Variants in SETD2 observed in about 807,000 individuals in gnomAD.
SETD2 encodes the protein SET domain containing 2, histone lysine methyltransferase.
Under a neutral mutation model 242.1 loss-of-function variants are expected in SETD2, and 31 were observed. That is an observed-to-expected ratio of 0.13 (90% CI 0.10 to 0.17). SETD2 has a LOEUF of 0.17. Ranked by LOEUF, SETD2 falls within the 10% of genes least tolerant of loss-of-function variation. The probability of loss-of-function intolerance (pLI) is 1.00; values close to 1 mark genes in which losing one functional copy is unlikely to be tolerated. For synonymous variants in SETD2, 1,006 were observed against 1,066.5 expected, an observed-to-expected ratio of 0.94 and a Z score of 1.11; for missense variants, 2,481 against 3,046.3, an observed-to-expected ratio of 0.81 and a Z score of 4.37.
At chr3:47,065,970 A>C in intron 13 of SETD2, among the ~76,000 whole-genome samples, 1 of 152,150 alleles carries the variant, frequency 6.6e-6, no homozygotes, top group Non-Finnish European at 1.5e-5. Context: ...CAGAAAAGTA[A>C]ATACAGTCAA....
At position 47,100,928 on chromosome 3, in the gene SETD2, T is replaced by C. The variant is rs370937689; in HGVS notation, c.5015+530A>G. ...AGGAGGCTGAGGCAGGAGAACGGCATGAACCTGGGAGGCGGAGCTTGCAGT... is the reference window on the plus strand; with the variant it reads ...AGGAGGCTGAGGCAGGAGAACGGCACGAACCTGGGAGGCGGAGCTTGCAGT... On this transcript the variant is annotated intron_variant, in intron 8 of 20. Coordinates refer to ENST00000409792, the MANE Select transcript of SETD2 (RefSeq NM_014159.7). Among the ~76,000 whole-genome samples the C allele has an allele frequency of 1.4e-3, 199 of 139,236 alleles. 5 individuals are homozygous for C. The South Asian group carries it at 0.04, about 28-fold the overall frequency. 91.3% of individuals were successfully genotyped at this position (139,236 alleles called of 152,430 possible). A position where few individuals can be genotyped will look rare whatever the true frequency, so the allele number is the denominator to read the frequency against.
intron 12 of SETD2, among the ~76,000 whole-genome samples, chr3:47,072,727 C>T (rs917486384): frequency 2.6e-5 from 4 of 151,898 alleles, no homozygotes; most frequent in South Asian, 2.1e-4. Context: ...AGGCAGATCA[C>T]GAGGTCAGGA....
chr3:47,134,548 G>C (rs1307993912), intron 1 of SETD2, among the ~76,000 whole-genome samples: 1 of 152,150 alleles, frequency 6.6e-6, no homozygotes, highest in African/African-American at 2.4e-5. Context: ...TAACTACCAA[G>C]AGTGAGCTGG....
chr3:47,051,418 T>G (rs1036798451), intron 15 of SETD2, among the ~76,000 whole-genome samples: 1 of 152,194 alleles, frequency 6.6e-6, no homozygotes, highest in Non-Finnish European at 1.5e-5. Context: ...CTCCTACTTT[T>G]GCCCTTGACT....
intron 15 of SETD2, among the ~76,000 whole-genome samples, chr3:47,052,659 A>C (rs1402131433): frequency 6.6e-6 from 1 of 151,972 alleles, no homozygotes; most frequent in Non-Finnish European, 1.5e-5. Context: ...TCTACTAAAA[A>C]TACAAAAAAT....
chr3:47,139,322 C>T (rs2043669644), intron 1 of SETD2, among the ~76,000 whole-genome samples: 1 of 152,124 alleles, frequency 6.6e-6, no homozygotes, highest in Non-Finnish European at 1.5e-5. Context: ...CACTATTATG[C>T]CTTTTCCTAT....
intron 11 of SETD2, among the ~76,000 whole-genome samples, 177 bp from the exon 12 acceptor site, chr3:47,084,559 G>C (rs1056272577): frequency 6.6e-6 from 1 of 151,786 alleles, no homozygotes; most frequent in Non-Finnish European, 1.5e-5. Flanking sequence ...CAAGTAGCTG[G>C]GAGTACAGGC....
intron 5 of SETD2, among the ~76,000 whole-genome samples, chr3:47,110,460 C>A (rs2042606595): frequency 6.6e-6 from 1 of 152,146 alleles, no homozygotes; most frequent in East Asian, 1.9e-4. Flanking sequence ...ATCTGGTATC[C>A]AATTACATTA....
chr3:47,120,996 T>G lies in SETD2; in HGVS notation c.3640A>C (p.Asn1214His), dbSNP rs201177499. 6.2e-7 allele frequency: 1 copy of G among 1,614,216 alleles called. No individual in the cohort carries two copies. Among genetic ancestry groups the G allele is most frequent in the South Asian group, 1.1e-5 (1 of 91,082 alleles). ...IYSSDFEDVP[N>H]KSWQQTTFQN... is the part of the protein sequence containing the mutation. ...AAAGTGGTCTGTTGCCAAGACTTAT[T>G]TGGGACATCTTCAAAATCAGAAGAA... The change falls in exon 3 of 21, where the codon AAT becomes CAT. Residue 1214 changes from asparagine to histidine, a missense_variant. Transcript: ENST00000409792.
intron 12 of SETD2, among the ~76,000 whole-genome samples, chr3:47,078,518 CCTT>C (rs1215977996): frequency 8.0e-6 from 1 of 125,390 alleles, no homozygotes; most frequent in Non-Finnish European, 1.6e-5. Context: ...AGATTCTCAG[CCTT>C]TTTTTTTTTT....
chr3:47,148,980 T>C (rs568225686), intron 1 of SETD2, among the ~76,000 whole-genome samples: 1 of 152,310 alleles, frequency 6.6e-6, no homozygotes, highest in South Asian at 2.1e-4. Context: ...AGTTTACCTT[T>C]TGCTGAATGA....
At chr3:47,090,454 G>C (rs762407304) in intron 9 of SETD2, among the ~76,000 whole-genome samples, 18 of 151,912 alleles carry the variant, frequency 1.2e-4, no homozygotes, top group Non-Finnish European at 1.8e-4. Context: ...CAGTGGCGCG[G>C]ATCTCAGCTC....
chr3:47,115,347 C>T (rs1340006939), intron 4 of SETD2, among the ~76,000 whole-genome samples: 6 of 151,962 alleles, frequency 3.9e-5, no homozygotes, highest in African/African-American at 1.5e-4. Flanking sequence ...GTATGCTTCA[C>T]AAGGTTGGCA....
At chr3:47,075,693 C>T (rs1007761441) in intron 12 of SETD2, among the ~76,000 whole-genome samples, 1 of 151,530 alleles carries the variant, frequency 6.6e-6, no homozygotes, top group Admixed American at 6.6e-5. Context: ...TGGAAGAAGG[C>T]AGTATTTAAA....
chr3:47,099,774 C>T (rs918027578), intron 8 of SETD2, among the ~76,000 whole-genome samples: 12 of 152,094 alleles, frequency 7.9e-5, no homozygotes, highest in Admixed American at 5.9e-4. Flanking sequence ...TCACCTACTA[C>T]TACATTTATT....
At chr3:47,069,852 G>A (rs1006725651) in intron 12 of SETD2, among the ~76,000 whole-genome samples, 9 of 152,066 alleles carry the variant, frequency 5.9e-5, no homozygotes, top group African/African-American at 2.2e-4. Context: ...GGGGTTATTA[G>A]ACAGGAAAAA....
At chr3:47,053,029 A>G (rs1362671214) in intron 15 of SETD2, among the ~76,000 whole-genome samples, 1 of 151,862 alleles carries the variant, frequency 6.6e-6, no homozygotes, top group African/African-American at 2.4e-5. Context: ...AGCTGGTATT[A>G]CAGGCACCCA....
At position 47,050,703 on chromosome 3, in the gene SETD2, C is replaced by A. The variant is rs1421381478; in HGVS notation, c.6964-4082G>T. On this transcript the variant is annotated intron_variant, in intron 15 of 20. Transcript: ENST00000409792. ...AGCATTACAGATAAGGGATACTCAA[C>A]CTGTATACATTTCCTCTCTCTTTTT... Among the ~76,000 whole-genome samples, 4 of 143,622 alleles carry A rather than the reference C, an allele frequency of 2.8e-5. No individual in the cohort carries two copies. In the East Asian group the frequency reaches 8.4e-4, roughly 30 times the overall value. The allele number at this position is 143,622 out of a possible 152,430, so 94.2% of individuals were successfully genotyped here.
At chr3:47,127,587 T>C (rs1431549373) in intron 1 of SETD2, 5 of 452,136 alleles carry the variant, frequency 1.1e-5, no homozygotes, top group Non-Finnish European at 1.8e-5. Flanking sequence ...TTAGGCCAGG[T>C]GCGGTGGCTC....
Sources: allele counts gnomAD v4.1 joint callset (sites outside exome capture counted in the v4.1 genomes callset), GRCh38; gene constraint gnomAD v4.1.1; transcripts MANE v1.5; gene names NCBI Gene and HGNC (gene_info 2026-07-23, HGNC 2026-07-21).